RGS7: variants seen among roughly 807,000 people sequenced by gnomAD.
RGS7 encodes the protein regulator of G-protein signaling 7.
RGS7 carries 27 observed loss-of-function variants against 81.1 expected under a neutral mutation model. The ratio of observed to expected loss-of-function variants is 0.33; its 90% CI spans 0.25 to 0.46. RGS7 has a LOEUF of 0.46. Ranked by LOEUF, RGS7 falls within the 20% of genes least tolerant of loss-of-function variation. The pLI, the probability that RGS7 is intolerant of heterozygous loss-of-function variation, is 1.00. For missense variants in RGS7, 396 were observed against 607.4 expected, an observed-to-expected ratio of 0.65 and a Z score of 3.66; for synonymous variants, 208 against 207.7, an observed-to-expected ratio of 1.00 and a Z score of -0.01.
rs146372605 is a variant in RGS7, at chr1:240,918,293, A to G, written c.385+12424T>C. On this transcript the variant is annotated intron_variant, in intron 6 of 18. Transcript: ENST00000440928. ...ATAGAATAATTAATGCAACAGCAAC[A>G]GAATCTATAGTCATCTCAAGTTCTC... Among the ~76,000 whole-genome samples, 101 of 152,314 alleles carry G rather than the reference A, an allele frequency of 6.6e-4. 1 individual carries two copies. Among genetic ancestry groups the G allele is most frequent in the African/African-American group, 2.4e-3 (98 of 41,584 alleles).
chr1:241,076,720 C>G (rs1482282167), intron 3 of RGS7, among the ~76,000 whole-genome samples: 1 of 152,058 alleles, frequency 6.6e-6, no homozygotes, highest in African/African-American at 2.4e-5. Context: ...ACCGGTGCAC[C>G]CAATGGCCAA....
intron 2 of RGS7, among the ~76,000 whole-genome samples, chr1:241,333,690 C>T (rs1296099552): frequency 6.6e-6 from 1 of 152,026 alleles, no homozygotes; most frequent in Non-Finnish European, 1.5e-5. Flanking sequence ...AACAATTTTA[C>T]AGCGAATTAA....
chr1:241,336,047 T>C (rs906642172), intron 2 of RGS7, among the ~76,000 whole-genome samples: 2 of 152,176 alleles, frequency 1.3e-5, no homozygotes, highest in African/African-American at 4.8e-5. Context: ...TCCAACATTT[T>C]TTATGAAGAA....
Position 240,800,785 on chromosome 1 carries a change from G to T in RGS7, c.1414-64C>A, listed in dbSNP as rs1572147577. The T allele has an allele frequency of 1.0e-5, 9 of 890,968 alleles. No homozygotes were observed. In the East Asian group the frequency reaches 1.9e-4, roughly 19 times the overall value. The allele number at this position is 890,968 out of a possible 1,614,324, so 55.2% of individuals were successfully genotyped here. On this transcript the variant is annotated intron_variant, in intron 17 of 18. Coordinates refer to ENST00000440928, the MANE Select transcript of RGS7 (RefSeq NM_001364886.1). ...TACACAATGTCAGAAAGTTCCAAAG[G>T]CACTGGCACAATACAAAAAAAAGAA...
intron 4 of RGS7, among the ~76,000 whole-genome samples, chr1:240,941,245 G>A (rs1677529127): frequency 6.6e-6 from 1 of 152,168 alleles, no homozygotes; most frequent in Non-Finnish European, 1.5e-5. Context: ...TAAGAGGACT[G>A]ATCTTCTCAC....
chr1:240,871,583 G>A (rs1664500131), intron 6 of RGS7, among the ~76,000 whole-genome samples: 1 of 152,120 alleles, frequency 6.6e-6, no homozygotes, highest in African/African-American at 2.4e-5. Flanking sequence ...ACTAATATTA[G>A]TAATTTTTAA....
chr1:241,142,834 G>A (rs2068032213), intron 2 of RGS7, among the ~76,000 whole-genome samples: 1 of 152,198 alleles, frequency 6.6e-6, no homozygotes, highest in Non-Finnish European at 1.5e-5. Flanking sequence ...TTTCTATCAT[G>A]TTGTCAAGCT....
At chr1:241,074,934 G>A (rs1434048439) in intron 3 of RGS7, among the ~76,000 whole-genome samples, 1 of 152,174 alleles carries the variant, frequency 6.6e-6, no homozygotes, top group Non-Finnish European at 1.5e-5. Context: ...GCTTAGCACA[G>A]AAGGCTGGTT....
chr1:241,026,822 G>C (rs553865561), intron 3 of RGS7, among the ~76,000 whole-genome samples: 4 of 86,748 alleles, frequency 4.6e-5, no homozygotes, highest in African/African-American at 9.8e-5. Flanking sequence ...GCGGGGTTTG[G>C]GGCATCCAAT....
chr1:240,800,351 A>G (rs1252684718), intron 18 of RGS7, among the ~76,000 whole-genome samples: 2 of 152,202 alleles, frequency 1.3e-5, no homozygotes, highest in Non-Finnish European at 2.9e-5. Flanking sequence ...GAATGTTCAC[A>G]GTATATATTA....
intron 6 of RGS7, among the ~76,000 whole-genome samples, chr1:240,905,381 C>T (rs1670655592): frequency 6.6e-6 from 1 of 152,022 alleles, no homozygotes; most frequent in Non-Finnish European, 1.5e-5. Flanking sequence ...AATAGAAGAA[C>T]CAGAAAGAAG....
At chr1:241,259,666 A>AT (rs1454547237) in intron 2 of RGS7, among the ~76,000 whole-genome samples, 2,961 of 99,262 alleles carry the variant, frequency 0.03, 73 homozygotes, top group Non-Finnish European at 0.04. Context: ...AAAAAAAAAA[A>AT]AATATATATA....
intron 18 of RGS7, among the ~76,000 whole-genome samples, chr1:240,793,611 A>ATATATATATATATTTTTT: frequency 1.3e-4 from 10 of 78,794 alleles, no homozygotes; most frequent in African/African-American, 5.8e-4. Flanking sequence ...ATATATATAT[A>ATATATATATATATTTTTT]TTTTTTTTTT....
rs373322541 is a variant in RGS7 at position 241,258,570 on chromosome 1, G to T, written c.78+97129C>A. Among the ~76,000 whole-genome samples, 50 of 152,300 alleles carry T rather than the reference G, an allele frequency of 3.3e-4. 1 individual carries two copies. The Middle Eastern group carries it at 0.01, about 31-fold the overall frequency. ...AGATAAAAGGAGGAAATCATAAAAT[G>T]TAACATCCTTTCCCAGGTGGCCACA... On this transcript the variant is annotated intron_variant, in intron 2 of 18. Transcript: ENST00000440928.
At chr1:240,976,127 T>C (rs1178395738) in intron 4 of RGS7, among the ~76,000 whole-genome samples, 4 of 152,222 alleles carry the variant, frequency 2.6e-5, no homozygotes, top group African/African-American at 9.6e-5. Context: ...GCCAAAAATC[T>C]AAGGGAGCAA....
At chr1:241,340,155 A>C (rs761730503) in intron 2 of RGS7, among the ~76,000 whole-genome samples, 2 of 152,220 alleles carry the variant, frequency 1.3e-5, no homozygotes, top group East Asian at 3.8e-4. Flanking sequence ...ACTAAAACTT[A>C]ATACTAAGCC....
intron 3 of RGS7, among the ~76,000 whole-genome samples, chr1:241,000,509 T>C (rs892978474): frequency 6.6e-6 from 1 of 152,242 alleles, no homozygotes; most frequent in Non-Finnish European, 1.5e-5. Flanking sequence ...TCCTTACTCA[T>C]GTCTTCAATG....
intron 9 of RGS7, among the ~76,000 whole-genome samples, chr1:240,851,080 A>T (rs1209056142): frequency 6.6e-6 from 1 of 152,218 alleles, no homozygotes; most frequent in Non-Finnish European, 1.5e-5. Context: ...CGATGTAGAC[A>T]AAAGAGCTTT....
chr1:240,938,292 A>T (rs957454370), intron 4 of RGS7, among the ~76,000 whole-genome samples: 3 of 152,164 alleles, frequency 2.0e-5, no homozygotes, highest in Non-Finnish European at 2.9e-5. Flanking sequence ...GAAAAGTTAG[A>T]TTTATTTATC....
Sources: gnomAD v4.1 joint callset for allele counts (sites outside exome capture counted in the v4.1 genomes callset) on GRCh38, gnomAD v4.1.1 for gene constraint, MANE v1.5 for transcripts, NCBI Gene and HGNC (gene_info 2026-07-23, HGNC 2026-07-21) for gene names.